The following MFAP3L variants were observed in gnomAD, a reference collection of about 807,000 sequenced individuals.
The protein encoded by MFAP3L is microfibrillar-associated protein 3-like.
A neutral mutation model predicts 20.0 loss-of-function variants in MFAP3L; 5 were observed. The observed-to-expected ratio is 0.25, with a 90% CI of 0.13 to 0.53. MFAP3L has a LOEUF of 0.53. MFAP3L is among the 20% of genes least tolerant of loss of function. MFAP3L has a pLI of 0.96. For missense variants in MFAP3L, 409 were observed against 527.5 expected (o/e 0.78, Z 2.20); for synonymous variants, 219 against 213.0 (o/e 1.03, Z -0.25).
intron 1 of MFAP3L, among the ~76,000 whole-genome samples, chr4:170,019,592 T>A (rs1272068779): frequency 6.6e-6 from 1 of 152,188 alleles, no homozygotes; most frequent in African/African-American, 2.4e-5. Context: ...ATGGATCCTA[T>A]CTTGTTAAGA....
intron 1 of MFAP3L, among the ~76,000 whole-genome samples, chr4:170,022,724 G>A (rs192967692): frequency 6.6e-6 from 1 of 152,306 alleles, no homozygotes; most frequent in Admixed American, 6.5e-5. Flanking sequence ...TGCCCCAAGA[G>A]AAAGATTGGA....
chr4:170,004,982 T>G (rs2110998253), intron 2 of MFAP3L: 1 of 152,714 alleles, frequency 6.5e-6, no homozygotes, highest in Admixed American at 6.5e-5. Context: ...GTGAGGTGAC[T>G]CACACTTTTT....
At chr4:170,020,959 A>G (rs546957137) in intron 1 of MFAP3L, among the ~76,000 whole-genome samples, 2 of 152,282 alleles carry the variant, frequency 1.3e-5, no homozygotes, top group African/African-American at 4.8e-5. Flanking sequence ...TGAATTAATG[A>G]ATGGATGGAA....
intron 2 of MFAP3L, among the ~76,000 whole-genome samples, chr4:169,999,014 GAAGAGATA>G (rs1401553197): frequency 6.6e-6 from 1 of 152,254 alleles, no homozygotes; most frequent in Non-Finnish European, 1.5e-5. Context: ...ACAGGCTACT[GAAGAGATA>G]GGATTCATGC....
rs1012552493 is a variant in MFAP3L, at chr4:170,002,052, T to G, written c.298+3528A>C. 5.1e-6 allele frequency: 5 copies of G among 985,366 alleles called. No individual in the cohort carries two copies. In the African/African-American group the frequency reaches 8.7e-5, roughly 17 times the overall value. The allele number at this position is 985,366 out of a possible 1,614,324, so 61.0% of individuals were successfully genotyped here. ...GTGTGCTCCTTGAGTGACTCACCGA[T>G]GATTTTTGAACGCCTTTTTGTGCAT... On this transcript the variant is annotated intron_variant, in intron 2 of 2. Transcript: ENST00000361618.
chr4:169,997,776 C>A lies in MFAP3L; in HGVS notation c.299-5467G>T, dbSNP rs188588421. 1.1e-4 allele frequency: 112 copies of A among 983,988 alleles called. No homozygotes were observed. In the African/African-American group the frequency reaches 1.9e-3, roughly 17 times the overall value. The allele number at this position is 983,988 out of a possible 1,614,324, so 61.0% of individuals were successfully genotyped here. A position where few individuals can be genotyped will look rare whatever the true frequency, so the allele number is the denominator to read the frequency against. On this transcript the variant is annotated intron_variant, in intron 2 of 2. Coordinates refer to ENST00000361618, the MANE Select transcript of MFAP3L (RefSeq NM_021647.8). ...CCGCAGCCTGGATGGCCGACTCCTGCCCAGCTCGGCCTCCTTTCATTAATT... is the reference window on the plus strand; with the variant it reads ...CCGCAGCCTGGATGGCCGACTCCTGACCAGCTCGGCCTCCTTTCATTAATT...
chr4:169,997,773 C>G (rs1194983514), intron 2 of MFAP3L: 2 of 984,268 alleles, frequency 2.0e-6, no homozygotes, highest in African/African-American at 3.5e-5. Flanking sequence ...TGGCCGACTC[C>G]TGCCCAGCTC....
chr4:169,997,474 A>G (rs913766962), intron 2 of MFAP3L, among the ~76,000 whole-genome samples: 1 of 152,248 alleles, frequency 6.6e-6, no homozygotes, highest in Non-Finnish European at 1.5e-5. Flanking sequence ...AAGCAAGTCA[A>G]GACAAACCCA....
rs1003441480 is a variant in MFAP3L, at chr4:169,987,027, T to C, written c.*4351A>G. On this transcript the variant is annotated 3_prime_UTR_variant, in exon 3 of 3. Transcript: ENST00000361618. Reference sequence around the variant, plus strand: ...TGTAGTATTCTTAGTATCAGCCTCTTTATAAATTCTATCTCTAAAAAATCT... The same window carrying C: ...TGTAGTATTCTTAGTATCAGCCTCTCTATAAATTCTATCTCTAAAAAATCT... 3 of 152,184 alleles carry C rather than the reference T, an allele frequency of 2.0e-5. No homozygotes were observed. The highest frequency in any genetic ancestry group is 4.4e-5 in the Non-Finnish European group (3 of 68,010). 9.4% of individuals were successfully genotyped at this position (152,184 alleles called of 1,614,324 possible).
At position 169,992,432 on chromosome 4, in the gene MFAP3L, G is replaced by C; in HGVS notation, c.299-123C>G. 1 of 824,142 alleles carries C rather than the reference G, an allele frequency of 1.2e-6. No homozygotes were observed. 51.1% of individuals were successfully genotyped at this position (824,142 alleles called of 1,614,324 possible). ...AACATCTATGAAGTCTATGAACGTC[G>C]ACTTCACATGCTTACTATGCGGCAG... is the stretch of plus-strand genomic sequence containing the variant. On this transcript the variant is annotated intron_variant, in intron 2 of 2. Transcript: ENST00000361618. This position sits in a 1 kb window ranked among gnomAD's most constrained non-coding sequence, Gnocchi z 4.3.
chr4:170,021,693 T>C (rs1740047735), intron 1 of MFAP3L, among the ~76,000 whole-genome samples: 1 of 152,222 alleles, frequency 6.6e-6, no homozygotes, highest in East Asian at 1.9e-4. Flanking sequence ...GACACAGAGA[T>C]GTCAATTTAA....
At chr4:170,027,265 C>A (rs759834829), upstream of MFAP3L, 1 of 144,062 alleles carries the variant, frequency 6.9e-6, no homozygotes, top group Non-Finnish European at 1.5e-5. Context: ...CAGAGACTCT[C>A]AATTTCTGGG....
Position 170,011,369 on chromosome 4 carries a change from A to G in MFAP3L, c.-133-5359T>C, listed in dbSNP as rs559493874. Among the ~76,000 whole-genome samples the G allele has an allele frequency of 2.0e-5, 3 of 152,322 alleles. No individual in the cohort carries two copies. The East Asian group carries it at 5.8e-4, about 29-fold the overall frequency. On this transcript the variant is annotated intron_variant, in intron 1 of 2. Transcript: ENST00000361618. ...GATAAATCAGTTAAGTCCTATCTCA[A>G]TGCCCAAAGTCCTATTACAGAGATT...
intron 1 of MFAP3L, among the ~76,000 whole-genome samples, chr4:170,024,694 T>C (rs887233685): frequency 1.3e-5 from 2 of 152,236 alleles, no homozygotes; most frequent in Non-Finnish European, 2.9e-5. Flanking sequence ...ATCATGTTGT[T>C]GCTACTGCTG....
chr4:169,997,065 A>G (rs929978875), intron 2 of MFAP3L, among the ~76,000 whole-genome samples: 5 of 149,934 alleles, frequency 3.3e-5, no homozygotes, highest in Admixed American at 3.3e-4. Context: ...TTAAAGATGA[A>G]GACCACAGCA....
In MFAP3L at chr4:170,005,648, T is replaced by A. The variant is rs1738980989; in HGVS notation, c.230A>T (p.Gln77Leu). 6.2e-6 allele frequency: 10 copies of A among 1,614,258 alleles called. No individual in the cohort carries two copies. The East Asian group carries it at 2.2e-4, about 36-fold the overall frequency. Reference protein sequence around the residue: ...NCSVYGIPDPQFKWYNSIGKL... With the variant: ...NCSVYGIPDPLFKWYNSIGKL... ...GCCAATGGAATTATACCACTTGAACTGTGGGTCAGGGATGCCATAAACACT... is the reference window on the plus strand; with the variant it reads ...GCCAATGGAATTATACCACTTGAACAGTGGGTCAGGGATGCCATAAACACT... Residue 77 changes from glutamine (Q) to leucine (L), a missense_variant, in exon 2 of 3, where the codon CAG (glutamine) becomes CTG (leucine). Around this residue, in one of 3 missense-constraint regions of MFAP3L, gnomAD observed 113 missense variants for 131.1 expected, o/e 0.86. Transcript: ENST00000361618.
intron 1 of MFAP3L, among the ~76,000 whole-genome samples, chr4:170,016,118 T>G (rs1739685479): frequency 6.6e-6 from 1 of 152,268 alleles, no homozygotes; most frequent in Admixed American, 6.5e-5. Context: ...TATTATTATT[T>G]AATGATTAGT....
At chr4:170,001,131 C>T (rs551456354) in intron 2 of MFAP3L, among the ~76,000 whole-genome samples, 5 of 152,300 alleles carry the variant, frequency 3.3e-5, no homozygotes, top group Admixed American at 2.0e-4. Context: ...TAATTTACAT[C>T]TAATGCTGTG....
intron 1 of MFAP3L, chr4:170,007,075 T>C (rs1488723653): frequency 6.6e-6 from 1 of 152,232 alleles, no homozygotes; most frequent in African/African-American, 2.4e-5. Context: ...AGGCAGAAGT[T>C]ATTATTTCAA....
Sources: gnomAD v4.1 joint callset for allele counts (sites outside exome capture counted in the v4.1 genomes callset) on GRCh38, gnomAD v4.1.1 for gene constraint, gnomAD v4.1.1 regional missense constraint, Gnocchi (gnomAD v3.1) non-coding constraint, MANE v1.5 for transcripts, NCBI Gene and HGNC (gene_info 2026-07-23, HGNC 2026-07-21) for gene names.